EXOC4: variants seen among roughly 807,000 people sequenced by gnomAD.
EXOC4 encodes the protein SEC8-like 1.
EXOC4 carries 71 observed loss-of-function variants against 107.2 expected under a neutral mutation model. That is an observed-to-expected ratio of 0.66 (90% CI 0.55 to 0.81). EXOC4 has a LOEUF of 0.81. Ranked by LOEUF, EXOC4 falls within the 30% of genes least tolerant of loss-of-function variation. The pLI, the probability that EXOC4 is intolerant of heterozygous loss-of-function variation, is 0.00. For missense variants in EXOC4, 1,108 were observed against 1,189.6 expected, an observed-to-expected ratio of 0.93 and a Z score of 1.01; for synonymous variants, 456 against 441.2, an observed-to-expected ratio of 1.03 and a Z score of -0.42.
intron 10 of EXOC4, among the ~76,000 whole-genome samples, chr7:133,803,599 A>C (rs918475166): frequency 6.6e-6 from 1 of 152,190 alleles, no homozygotes; most frequent in African/African-American, 2.4e-5. Context: ...TTTTCTTAGA[A>C]AATGATGCAT....
chr7:133,747,340 C>A (rs184120007), intron 10 of EXOC4, among the ~76,000 whole-genome samples: 41 of 152,182 alleles, frequency 2.7e-4, no homozygotes, highest in Non-Finnish European at 4.9e-4. Context: ...GTAATGTAGT[C>A]CAGAATAAAG....
chr7:133,566,358 G>A (rs901451864), intron 9 of EXOC4, among the ~76,000 whole-genome samples: 5 of 152,156 alleles, frequency 3.3e-5, no homozygotes, highest in African/African-American at 1.2e-4. Flanking sequence ...CATTTGTGTA[G>A]TGAAAATAAT....
At chr7:133,994,757 TTGTGTGTGTG>T (rs68167254) in intron 14 of EXOC4, among the ~76,000 whole-genome samples, 6 of 148,590 alleles carry the variant, frequency 4.0e-5, no homozygotes, top group South Asian at 2.2e-4. Flanking sequence ...GTACAAGGTT[TTGTGTGTGTG>T]TGTGTGTGTG....
At chr7:133,508,390 G>A (rs1584966088) in intron 9 of EXOC4, among the ~76,000 whole-genome samples, 1 of 152,082 alleles carries the variant, frequency 6.6e-6, no homozygotes, top group East Asian at 1.9e-4. Flanking sequence ...CTGATGGAGG[G>A]ACCACACTTT....
chr7:133,638,502 G>A (rs1464617993), intron 10 of EXOC4, among the ~76,000 whole-genome samples: 1 of 152,118 alleles, frequency 6.6e-6, no homozygotes, highest in Non-Finnish European at 1.5e-5. Flanking sequence ...GAGTATAGTT[G>A]ACTTCTGTGT....
rs1223887918 is a variant in EXOC4, at chr7:134,004,831, T to TTTTGGTGCTCTGTCCCAAGTTA, written c.2349-62_2349-61insTTATTTGGTGCTCTGTCCCAAG. ...TTTATTAATGATAATTTATTAGTTA[T>TTTTGGTGCTCTGTCCCAAGTTA]TTTGGTGCTCTGTCCCAAGATCATT... On this transcript the variant is annotated intron_variant, in intron 15 of 17. Transcript: ENST00000253861. The TTTTGGTGCTCTGTCCCAAGTTA allele has an allele frequency of 8.7e-6, 10 of 1,146,636 alleles. No homozygotes were observed. The Admixed American group carries it at 2.2e-4, about 26-fold the overall frequency. The allele number at this position is 1,146,636 out of a possible 1,614,324, so 71.0% of individuals were successfully genotyped here.
intron 5 of EXOC4, among the ~76,000 whole-genome samples, chr7:133,348,300 GACAA>G (rs1242431671): frequency 6.6e-6 from 1 of 152,170 alleles, no homozygotes; most frequent in Non-Finnish European, 1.5e-5. Flanking sequence ...GATTTCAGGA[GACAA>G]ACAGAAAGAG....
intron 10 of EXOC4, among the ~76,000 whole-genome samples, chr7:133,715,660 G>T (rs1198267656): frequency 6.6e-6 from 1 of 152,004 alleles, no homozygotes; most frequent in Non-Finnish European, 1.5e-5. Flanking sequence ...GCTCTTGTCT[G>T]CTGAATTCAA....
chr7:133,343,012 T>C (rs1795700481), intron 5 of EXOC4, among the ~76,000 whole-genome samples: 1 of 152,190 alleles, frequency 6.6e-6, no homozygotes, highest in Non-Finnish European at 1.5e-5. Flanking sequence ...TTCTGAATTC[T>C]TTTTCTGTCA....
Position 133,700,392 on chromosome 7 carries a change from A to G in EXOC4, c.1514+70251A>G, listed in dbSNP as rs565302017. 2.8e-4 allele frequency among the ~76,000 whole-genome samples: 42 copies of G among 152,308 alleles called. No homozygotes were observed. The South Asian group carries it at 8.5e-3, about 31-fold the overall frequency. ...TGTTGATTCAAGTTCTTTATATCAAAGTCATCTCAACTTTGTATGTTAACA... is the reference window on the plus strand; with the variant it reads ...TGTTGATTCAAGTTCTTTATATCAAGGTCATCTCAACTTTGTATGTTAACA... On this transcript the variant is annotated intron_variant, in intron 10 of 17. Coordinates refer to ENST00000253861, the MANE Select transcript of EXOC4 (RefSeq NM_021807.4).
At chr7:133,714,149 T>A (rs1333667832) in intron 10 of EXOC4, among the ~76,000 whole-genome samples, 1 of 152,082 alleles carries the variant, frequency 6.6e-6, no homozygotes, top group Non-Finnish European at 1.5e-5. Context: ...TGCAAAAAAC[T>A]CTTTTGCAGT....
intron 10 of EXOC4, among the ~76,000 whole-genome samples, chr7:133,666,213 T>C (rs1419154979): frequency 6.6e-6 from 1 of 152,166 alleles, no homozygotes; most frequent in Non-Finnish European, 1.5e-5. Flanking sequence ...ATTTTCTCCA[T>C]CCTTTAATGT....
chr7:134,045,860 G>T (rs1448840307), intron 17 of EXOC4, among the ~76,000 whole-genome samples: 1 of 151,994 alleles, frequency 6.6e-6, no homozygotes, highest in Non-Finnish European at 1.5e-5. Flanking sequence ...TCATAGAAGT[G>T]AAATTACACA....
chr7:133,611,068 G>T (rs1802066679), intron 9 of EXOC4, among the ~76,000 whole-genome samples: 1 of 151,060 alleles, frequency 6.6e-6, no homozygotes, highest in South Asian at 2.1e-4. Flanking sequence ...CCTCCCAAAG[G>T]CTGGGATTAC....
At chr7:133,664,916 G>C (rs1222510159) in intron 10 of EXOC4, among the ~76,000 whole-genome samples, 1 of 152,092 alleles carries the variant, frequency 6.6e-6, no homozygotes. Flanking sequence ...CATTTTCATG[G>C]TATCTTTTTG....
intron 9 of EXOC4, among the ~76,000 whole-genome samples, chr7:133,488,385 A>T (rs1440979327): frequency 6.6e-6 from 1 of 152,178 alleles, no homozygotes; most frequent in Non-Finnish European, 1.5e-5. Context: ...GAGATAGTTT[A>T]ACAAAGTGGG....
In EXOC4 at chr7:133,474,272, G is replaced by T. The variant is rs528303317; in HGVS notation, c.1183-1056G>T. ...TGTGATAATTCTTAGATTTTAAATT[G>T]GATTGATTTTATAAGTAGAACCTAT... On this transcript the variant is annotated intron_variant, in intron 7 of 17. Transcript: ENST00000253861. Among the ~76,000 whole-genome samples, 3 of 151,978 alleles carry T rather than the reference G, an allele frequency of 2.0e-5. No homozygotes were observed. In the South Asian group the frequency reaches 6.2e-4, roughly 32 times the overall value.
At chr7:133,998,258 C>A (rs1195624139) in intron 15 of EXOC4, among the ~76,000 whole-genome samples, 1 of 152,170 alleles carries the variant, frequency 6.6e-6, no homozygotes, top group Non-Finnish European at 1.5e-5. Flanking sequence ...TTGAAATCTG[C>A]ACATTTTGTA....
intron 13 of EXOC4, among the ~76,000 whole-genome samples, chr7:133,926,348 G>A (rs995345852): frequency 5.9e-5 from 9 of 152,178 alleles, no homozygotes; most frequent in Non-Finnish European, 1.2e-4. Flanking sequence ...TTTGACATTT[G>A]AATTATTCCT....
Sources: gnomAD v4.1 joint callset for allele counts (sites outside exome capture counted in the v4.1 genomes callset) on GRCh38, gnomAD v4.1.1 for gene constraint, MANE v1.5 for transcripts, NCBI Gene and HGNC (gene_info 2026-07-23, HGNC 2026-07-21) for gene names.